CADPS: variants seen among roughly 807,000 people sequenced by gnomAD.
CADPS encodes the protein calcium dependent secretion activator.
Under a neutral mutation model 167.3 loss-of-function variants are expected in CADPS, and 57 were observed. The observed-to-expected ratio is 0.34, with a 90% CI of 0.28 to 0.42. The LOEUF (loss-of-function observed/expected upper bound fraction) is 0.42. Among genes scored for constraint, CADPS ranks in the 20% least tolerant of loss-of-function variants. CADPS has a pLI of 1.00. For missense variants in CADPS, 1,414 were observed against 1,738.1 expected (o/e 0.81, Z 3.32); for synonymous variants, 676 against 635.3 (o/e 1.06, Z -0.96).
intron 5 of CADPS, among the ~76,000 whole-genome samples, chr3:62,648,524 A>T (rs1299638893): frequency 6.6e-6 from 1 of 151,814 alleles, no homozygotes; most frequent in Admixed American, 6.6e-5. Flanking sequence ...TCTACAAAAA[A>T]TACAAAGATT....
intron 17 of CADPS, among the ~76,000 whole-genome samples, chr3:62,510,258 C>T (rs1437093422): frequency 6.6e-6 from 1 of 150,454 alleles, no homozygotes; most frequent in African/African-American, 2.4e-5. Context: ...CTGTCTATAT[C>T]TATCTGCTGT....
At chr3:62,700,592 T>A (rs1478634429) in intron 3 of CADPS, among the ~76,000 whole-genome samples, 1 of 152,074 alleles carries the variant, frequency 6.6e-6, no homozygotes, top group Non-Finnish European at 1.5e-5. Flanking sequence ...ATTGGTGACA[T>A]TAAAGTGAGA....
In CADPS at chr3:62,544,970, G is replaced by T; in HGVS notation, c.1966+4933C>A. Reference sequence around the variant, plus strand: ...CCTAGCAGCCTAAGTTCTTGGGTTCGAGCAAAGATTGAACAAGAAAACTTA... The same window carrying T: ...CCTAGCAGCCTAAGTTCTTGGGTTCTAGCAAAGATTGAACAAGAAAACTTA... On this transcript the variant is annotated intron_variant, in intron 11 of 29. Transcript: ENST00000383710. This position sits in a 1 kb window ranked among gnomAD's most constrained non-coding sequence, Gnocchi z 4.4. 2.2e-6 allele frequency: 1 copy of T among 452,262 alleles called. No individual in the cohort carries two copies. The highest frequency in any genetic ancestry group is 3.2e-6 in the Non-Finnish European group (1 of 316,886). The allele number at this position is 452,262 out of a possible 1,614,324, so 28.0% of individuals were successfully genotyped here. A position where few individuals can be genotyped will look rare whatever the true frequency, so the allele number is the denominator to read the frequency against.
At chr3:62,816,110 C>T (rs2094598604) in intron 1 of CADPS, among the ~76,000 whole-genome samples, 1 of 152,032 alleles carries the variant, frequency 6.6e-6, no homozygotes, top group African/African-American at 2.4e-5. Flanking sequence ...ATACTCTGAC[C>T]TGCTCTTGCT....
At chr3:62,820,712 A>G (rs1412221513) in intron 1 of CADPS, among the ~76,000 whole-genome samples, 1 of 151,778 alleles carries the variant, frequency 6.6e-6, no homozygotes, top group African/African-American at 2.4e-5. Context: ...ATTTGCATAT[A>G]CCATTCCCTT....
Position 62,723,576 on chromosome 3 carries a change from T to C in CADPS, c.888+29865A>G, listed in dbSNP as rs140122201. Among the ~76,000 whole-genome samples, 198 of 151,784 alleles carry C rather than the reference T, an allele frequency of 1.3e-3. 4 individuals are homozygous for C. The East Asian group carries it at 0.035, about 27-fold the overall frequency. ...GTACTCAGATGTTTATCAGGCTAAA[T>C]AGGAAAAAAAAATCCACTGAGACTG... On this transcript the variant is annotated intron_variant, in intron 3 of 29. Transcript: ENST00000383710.
At chr3:62,559,676 T>A (rs950913593) in intron 9 of CADPS, among the ~76,000 whole-genome samples, 1 of 152,158 alleles carries the variant, frequency 6.6e-6, no homozygotes, top group African/African-American at 2.4e-5. Context: ...GTATTTTTAG[T>A]AGAGACAGGG....
chr3:62,581,700 G>C (rs1323518694), intron 8 of CADPS, among the ~76,000 whole-genome samples: 1 of 152,080 alleles, frequency 6.6e-6, no homozygotes, highest in South Asian at 2.1e-4. Flanking sequence ...AACAAAAATT[G>C]ATGGTGGATG....
intron 1 of CADPS, among the ~76,000 whole-genome samples, chr3:62,826,412 A>C (rs2074044232): frequency 6.6e-6 from 1 of 152,132 alleles, no homozygotes; most frequent in Admixed American, 6.6e-5. Context: ...ATAGCTATGC[A>C]ACATGTTATT....
At chr3:62,623,368 T>A (rs1222645463) in intron 6 of CADPS, among the ~76,000 whole-genome samples, 1 of 152,180 alleles carries the variant, frequency 6.6e-6, no homozygotes, top group African/African-American at 2.4e-5. Context: ...CTTTTTGGAA[T>A]GGAAAGCTCC....
intron 3 of CADPS, among the ~76,000 whole-genome samples, chr3:62,714,210 T>C (rs1415113616): frequency 6.6e-6 from 1 of 152,166 alleles, no homozygotes; most frequent in Non-Finnish European, 1.5e-5. Flanking sequence ...CAAAACATGT[T>C]GGTAGTTTCT....
At chr3:62,462,557 G>A (rs1032173397) in intron 26 of CADPS, among the ~76,000 whole-genome samples, 3 of 152,232 alleles carry the variant, frequency 2.0e-5, no homozygotes, top group Non-Finnish European at 4.4e-5. Flanking sequence ...CAGAGCACAT[G>A]GCTCATCCTT....
chr3:62,798,037 A>C (rs1225576309), intron 1 of CADPS, among the ~76,000 whole-genome samples: 2 of 152,182 alleles, frequency 1.3e-5, no homozygotes, highest in Admixed American at 6.5e-5. Flanking sequence ...TGGATACAAA[A>C]GTGAGTATGA....
intron 8 of CADPS, among the ~76,000 whole-genome samples, chr3:62,573,557 G>A (rs1322795947): frequency 1.3e-5 from 2 of 152,122 alleles, no homozygotes; most frequent in African/African-American, 4.8e-5. Flanking sequence ...CCTTGACTTG[G>A]CTTCTGCCCA....
At chr3:62,794,778 TAA>T (rs71126555) in intron 1 of CADPS, among the ~76,000 whole-genome samples, 21,167 of 99,550 alleles carry the variant, frequency 0.21, 1,865 homozygotes, top group South Asian at 0.28. Context: ...CGCAAGGTGG[TAA>T]AAAAAAAAAA....
intron 21 of CADPS, among the ~76,000 whole-genome samples, chr3:62,485,232 A>G (rs1450747259): frequency 3.4e-5 from 5 of 146,286 alleles, no homozygotes; most frequent in Non-Finnish European, 1.5e-5. Flanking sequence ...TCATCTACAG[A>G]AAAAAAAAAA....
intron 13 of CADPS, among the ~76,000 whole-genome samples, chr3:62,520,467 T>A (rs913139635): frequency 3.9e-5 from 6 of 152,242 alleles, no homozygotes; most frequent in Admixed American, 6.5e-5. Flanking sequence ...CCTCTCCTCG[T>A]ACTACTTTCT....
intron 6 of CADPS, among the ~76,000 whole-genome samples, chr3:62,606,278 G>T (rs548965735): frequency 6.6e-6 from 1 of 152,160 alleles, no homozygotes; most frequent in South Asian, 2.1e-4. Flanking sequence ...CAGTATTGAG[G>T]AGTGGGGCTT....
intron 1 of CADPS, among the ~76,000 whole-genome samples, chr3:62,855,649 C>G (rs2079529231): frequency 6.6e-6 from 1 of 152,102 alleles, no homozygotes; most frequent in African/African-American, 2.4e-5. Flanking sequence ...TAGCAAGTCA[C>G]AAAACGTAAG....
Sources: gnomAD v4.1 joint callset for allele counts (sites outside exome capture counted in the v4.1 genomes callset) on GRCh38, gnomAD v4.1.1 for gene constraint, Gnocchi (gnomAD v3.1) non-coding constraint, MANE v1.5 for transcripts, NCBI Gene and HGNC (gene_info 2026-07-23, HGNC 2026-07-21) for gene names.